The following NTM variants were observed in gnomAD, a reference collection of about 807,000 sequenced individuals.
NTM encodes the protein neurotrimin, also known as IgLON family member 2.
In NTM, 13 loss-of-function variants were observed where a neutral mutation model predicts 42.1. That is an observed-to-expected ratio of 0.31 (90% CI 0.20 to 0.49). The LOEUF (loss-of-function observed/expected upper bound fraction) is 0.49. Among genes scored for constraint, NTM ranks in the 20% least tolerant of loss-of-function variants. The probability of loss-of-function intolerance (pLI) is 0.99; values close to 1 mark genes in which losing one functional copy is unlikely to be tolerated. For missense variants in NTM, 373 were observed against 452.8 expected, an observed-to-expected ratio of 0.82 and a Z score of 1.60; for synonymous variants, 187 against 179.2, an observed-to-expected ratio of 1.04 and a Z score of -0.35.
At chr11:131,493,057 A>C (rs958982464) in intron 1 of NTM, among the ~76,000 whole-genome samples, 4 of 151,976 alleles carry the variant, frequency 2.6e-5, no homozygotes, top group Non-Finnish European at 5.9e-5. Context: ...TCACTACCAA[A>C]AAAAAGAAAA....
chr11:132,242,549 A>T (rs1406773653), intron 4 of NTM, among the ~76,000 whole-genome samples: 1 of 152,226 alleles, frequency 6.6e-6, no homozygotes, highest in Non-Finnish European at 1.5e-5. Context: ...AAGAAATTCT[A>T]CTTCCCTTTC....
rs1190251608 is a variant in NTM, at chr11:131,500,575, ATATTTTTT to A, written c.82+129689_82+129696del. Among the ~76,000 whole-genome samples, 157 of 18,034 alleles carry A rather than the reference ATATTTTTT, an allele frequency of 8.7e-3. 1 individual carries two copies. Among genetic ancestry groups the A allele is most frequent in the African/African-American group, 0.033 (124 of 3,804 alleles). The allele number at this position is 18,034 out of a possible 152,430, so 11.8% of individuals were successfully genotyped here. On this transcript the variant is annotated intron_variant, in intron 1 of 8. Transcript: ENST00000683400. The stretch of plus-strand genomic sequence containing the variant: ...TATATATATATATATATATATATAT[ATATTTTTT>A]TTTTTTTTTTTTGTATTATACTTTA...
chr11:131,598,838 T>TTTC (rs2060154953), intron 1 of NTM, among the ~76,000 whole-genome samples: 1 of 32,824 alleles, frequency 3.0e-5, no homozygotes, highest in African/African-American at 1.1e-4. Context: ...TCTTTCTTTC[T>TTTC]TTCTTTCTTT....
intron 1 of NTM, chr11:131,455,552 A>AG (rs1950815804): frequency 6.6e-6 from 1 of 152,276 alleles, no homozygotes; most frequent in Non-Finnish European, 1.5e-5. Flanking sequence ...GAATGGAGGG[A>AG]GGGTCTCGAA....
intron 1 of NTM, among the ~76,000 whole-genome samples, chr11:131,675,731 A>G (rs2071265069): frequency 1.3e-5 from 2 of 152,130 alleles, no homozygotes; most frequent in Non-Finnish European, 2.9e-5. Context: ...AATTCCACAG[A>G]GGGCCTTGAC....
At chr11:131,615,670 G>A (rs1328506183) in intron 1 of NTM, among the ~76,000 whole-genome samples, 5 of 152,148 alleles carry the variant, frequency 3.3e-5, no homozygotes, top group African/African-American at 9.7e-5. Context: ...GCACCCGGCC[G>A]TAGCAAGTTC....
At chr11:131,514,885 C>T (rs973438641) in intron 1 of NTM, among the ~76,000 whole-genome samples, 2 of 151,972 alleles carry the variant, frequency 1.3e-5, no homozygotes, top group Non-Finnish European at 2.9e-5. Context: ...AGCCCCCATG[C>T]CCGGCCTTGT....
chr11:131,809,652 C>A (rs2092657261), intron 1 of NTM, among the ~76,000 whole-genome samples: 1 of 152,216 alleles, frequency 6.6e-6, no homozygotes, highest in Non-Finnish European at 1.5e-5. Flanking sequence ...GTGAAATCTC[C>A]TTTCTCCTTT....
intron 2 of NTM, among the ~76,000 whole-genome samples, chr11:132,016,463 T>A (rs2073432536): frequency 7.9e-6 from 1 of 126,818 alleles, no homozygotes; most frequent in South Asian, 2.5e-4. Flanking sequence ...CTGACTTCTT[T>A]TCATGTTTTT....
At chr11:132,262,755 C>T (rs1331181564) in intron 4 of NTM, among the ~76,000 whole-genome samples, 1 of 152,170 alleles carries the variant, frequency 6.6e-6, no homozygotes, top group African/African-American at 2.4e-5. Flanking sequence ...GTCATTCCTC[C>T]CAAATGTATG....
chr11:131,764,801 C>T (rs1220683597), intron 1 of NTM, among the ~76,000 whole-genome samples: 1 of 152,098 alleles, frequency 6.6e-6, no homozygotes. Context: ...ATCACCTTGT[C>T]CTCACCCTCC....
chr11:131,910,654 G>A (rs1025073578), intron 1 of NTM, among the ~76,000 whole-genome samples: 5 of 150,300 alleles, frequency 3.3e-5, no homozygotes, highest in Non-Finnish European at 7.4e-5. Flanking sequence ...GAGGCCGGGG[G>A]CGGCCGCTGA....
intron 1 of NTM, among the ~76,000 whole-genome samples, chr11:131,468,843 G>C (rs923293976): frequency 6.6e-6 from 1 of 152,206 alleles, no homozygotes; most frequent in South Asian, 2.1e-4. Context: ...CAGCAAAATT[G>C]GCTGTTCCAC....
chr11:131,655,663 G>C (rs1314217208), intron 1 of NTM, among the ~76,000 whole-genome samples: 1 of 152,238 alleles, frequency 6.6e-6, no homozygotes, highest in Non-Finnish European at 1.5e-5. Context: ...AGAAAGGACG[G>C]TGGACTGGCA....
rs551686645 is a variant in NTM, at chr11:131,898,910, G to GA, written c.83-12653dup. Among the ~76,000 whole-genome samples, 60 of 152,234 alleles carry GA rather than the reference G, an allele frequency of 3.9e-4. 1 individual carries two copies. The South Asian group carries it at 0.012, about 29-fold the overall frequency. On this transcript the variant is annotated intron_variant, in intron 1 of 8. Coordinates refer to ENST00000683400, the MANE Select transcript of NTM (RefSeq NM_001352005.2). The stretch of plus-strand genomic sequence containing the variant: ...AAGTCGAGAACTCAGGCTCATGCAT[G>GA]ATCTATTGCTTGGGATGATTGCTGT...
At chr11:131,508,844 A>G (rs1312407130) in intron 1 of NTM, among the ~76,000 whole-genome samples, 6 of 143,360 alleles carry the variant, frequency 4.2e-5, no homozygotes, top group Non-Finnish European at 7.5e-5. Flanking sequence ...ATGAGATCCC[A>G]TGGACACAGG....
At chr11:131,618,219 G>T (rs767173608) in intron 1 of NTM, among the ~76,000 whole-genome samples, 1 of 152,214 alleles carries the variant, frequency 6.6e-6, no homozygotes, top group Non-Finnish European at 1.5e-5. Flanking sequence ...GCCTCCAGAG[G>T]TTGCTTAGTG....
At chr11:131,864,049 G>A (rs1055401443) in intron 1 of NTM, among the ~76,000 whole-genome samples, 1 of 152,098 alleles carries the variant, frequency 6.6e-6, no homozygotes, top group Non-Finnish European at 1.5e-5. Context: ...AGAAGTCGGG[G>A]GTCAGGGAGG....
chr11:131,654,103 C>T (rs1196681863), intron 1 of NTM, among the ~76,000 whole-genome samples: 1 of 152,210 alleles, frequency 6.6e-6, no homozygotes, highest in East Asian at 1.9e-4. Context: ...TGGGAGAAGA[C>T]AACCTTGTTC....
Sources: gnomAD v4.1 joint callset for allele counts (sites outside exome capture counted in the v4.1 genomes callset) on GRCh38, gnomAD v4.1.1 for gene constraint, MANE v1.5 for transcripts, NCBI Gene and HGNC (gene_info 2026-07-23, HGNC 2026-07-21) for gene names.